CA4: variants seen among roughly 807,000 people sequenced by gnomAD.
The protein encoded by CA4 is CA-IV.
In CA4, 24 loss-of-function variants were observed where a neutral mutation model predicts 34.5. The ratio of observed to expected loss-of-function variants is 0.70; its 90% CI spans 0.50 to 0.98. The LOEUF (loss-of-function observed/expected upper bound fraction) is 0.98. Among genes scored for constraint, CA4 ranks in the 50% least tolerant of loss-of-function variants. The pLI, the probability that CA4 is intolerant of heterozygous loss-of-function variation, is 0.00. For missense variants in CA4, 394 were observed against 396.7 expected (o/e 0.99, Z 0.06); for synonymous variants, 178 against 170.6 (o/e 1.04, Z -0.34).
At chr17:60,171,603 T>C (rs1318634292), downstream of CA4, among the ~76,000 whole-genome samples, 2 of 152,198 alleles carry the variant, frequency 1.3e-5, no homozygotes, top group Non-Finnish European at 2.9e-5. Flanking sequence ...CAGACCCTAC[T>C]GGAGCACTGT....
intron 1 of CA4, 45 bp downstream of exon 1, chr17:60,150,137 T>C (rs2083562214): frequency 3.3e-6 from 5 of 1,500,068 alleles, no homozygotes; most frequent in Non-Finnish European, 4.5e-6. Flanking sequence ...GGCGGTCCCC[T>C]CCGTGCCCCC....
chr17:60,155,264 A>G, intron 1 of CA4, 50 bp from the exon 2 acceptor site: 1 of 1,548,174 alleles, frequency 6.5e-7, no homozygotes, highest in Non-Finnish European at 8.9e-7. Flanking sequence ...TGTGTGTGTG[A>G]GCAACAAGAC....
chr17:60,152,881 G>A (rs1324329454), intron 1 of CA4, among the ~76,000 whole-genome samples: 6 of 152,186 alleles, frequency 3.9e-5, no homozygotes, highest in Admixed American at 1.3e-4. Flanking sequence ...AAATGAGGCC[G>A]AGATTTGCTG....
chr17:60,152,640 TGGCTGCCCCC>T (rs1204069816), intron 1 of CA4, among the ~76,000 whole-genome samples: 1 of 152,218 alleles, frequency 6.6e-6, no homozygotes, highest in Non-Finnish European at 1.5e-5. Flanking sequence ...TCTCCTGGAA[TGGCTGCCCCC>T]GGGCCCTCCA....
At chr17:60,169,411 C>G (rs2083892861) in intron 5 of CA4, among the ~76,000 whole-genome samples, 1 of 152,152 alleles carries the variant, frequency 6.6e-6, no homozygotes, top group Non-Finnish European at 1.5e-5. Context: ...ACAATTACAC[C>G]TAAGCCTCTG....
chr17:60,168,866 G>A (rs533411108), intron 5 of CA4, among the ~76,000 whole-genome samples: 1 of 152,302 alleles, frequency 6.6e-6, no homozygotes, highest in East Asian at 1.9e-4. Context: ...GGGGATAAAG[G>A]AGAACCAATG....
At chr17:60,161,789 C>T (rs1467962756), downstream of CA4, among the ~76,000 whole-genome samples, 1 of 152,150 alleles carries the variant, frequency 6.6e-6, no homozygotes, top group African/African-American at 2.4e-5. Flanking sequence ...AACCGCAGGC[C>T]GCCTGTCAGC....
chr17:60,158,456 G>T lies in CA4; in HGVS notation c.744+10G>T. On this transcript the variant is annotated intron_variant, in intron 7 of 7. Transcript: ENST00000300900. ...GCTTCACAGAGAACAGGTGCACAGGGCCTGGGGCAGGGCATGGGCTCCCAC... is the reference window on the plus strand; with the variant it reads ...GCTTCACAGAGAACAGGTGCACAGGTCCTGGGGCAGGGCATGGGCTCCCAC... The T allele has an allele frequency of 1.2e-6, 2 of 1,613,070 alleles. No individual in the cohort carries two copies. The highest frequency in any genetic ancestry group is 2.2e-5 in the East Asian group (1 of 44,878).
At position 60,159,250 on chromosome 17, in the gene CA4, G is replaced by A. The variant is rs2083752060; in HGVS notation, c.765G>A (p.Lys255=). The part of the protein sequence containing the change: ...HREQILAFSQ[K]LYYDKEQTVS... ...CGCAGATCCTGGCATTCTCTCAGAA[G>A]CTGTACTACGACAAGGAACAGACAG... The change falls in exon 8 of 8, where the codon AAG becomes AAA. Residue 255 remains lysine, a synonymous_variant. Coordinates refer to ENST00000300900, the MANE Select transcript of CA4 (RefSeq NM_000717.5). The A allele has an allele frequency of 6.2e-7, 1 of 1,605,680 alleles. No individual in the cohort carries two copies. The highest frequency in any genetic ancestry group is 8.5e-7 in the Non-Finnish European group (1 of 1,176,004).
downstream of CA4, among the ~76,000 whole-genome samples, chr17:60,172,599 T>C (rs1225827974): frequency 6.6e-6 from 1 of 152,180 alleles, no homozygotes; most frequent in East Asian, 1.9e-4. Flanking sequence ...TTCCCAGCAC[T>C]TTGGGAGGCT....
intron 5 of CA4, among the ~76,000 whole-genome samples, chr17:60,169,032 A>C (rs2083887936): frequency 6.6e-6 from 1 of 152,114 alleles, no homozygotes; most frequent in South Asian, 2.1e-4. Flanking sequence ...AGATCACCTG[A>C]AGTCAGGAGT....
chr17:60,171,421 C>T (rs920527444), downstream of CA4, among the ~76,000 whole-genome samples: 10 of 152,244 alleles, frequency 6.6e-5, no homozygotes, highest in African/African-American at 1.9e-4. Flanking sequence ...CTGACTGCTC[C>T]GGGCACTCCC....
At chr17:60,161,097 G>A (rs1463877364), downstream of CA4, among the ~76,000 whole-genome samples, 2 of 152,086 alleles carry the variant, frequency 1.3e-5, no homozygotes, top group African/African-American at 4.8e-5. Flanking sequence ...GCTCATGGGG[G>A]TGTCCAAGGG....
At chr17:60,158,032 T>C in intron 5 of CA4, 29 bp from the exon 6 acceptor site, 2 of 1,612,744 alleles carry the variant, frequency 1.2e-6, no homozygotes, top group Non-Finnish European at 1.7e-6. Flanking sequence ...CCCTGCAGAC[T>C]TTCTCAAGAC....
chr17:60,160,865 C>T (rs531761240), downstream of CA4, among the ~76,000 whole-genome samples: 4 of 121,562 alleles, frequency 3.3e-5, no homozygotes, highest in South Asian at 3.0e-4. Context: ...TGTTGAGGTG[C>T]GGCAGGGAGG....
chr17:60,159,520 T>G lies in CA4; in HGVS notation c.*96T>G, dbSNP rs1490157393. ...TCCCAGGTGGGACTTTAGGCATGAT[T>G]AAAATATGGACATATTTTTGGAGAA... On this transcript the variant is annotated 3_prime_UTR_variant, in exon 8 of 8. Transcript: ENST00000300900. 2.3e-6 allele frequency: 3 copies of G among 1,321,750 alleles called. No individual in the cohort carries two copies. The African/African-American group carries it at 4.4e-5, about 19-fold the overall frequency. The allele number at this position is 1,321,750 out of a possible 1,614,324, so 81.9% of individuals were successfully genotyped here.
At chr17:60,169,558 G>A (rs560018347) in intron 5 of CA4, among the ~76,000 whole-genome samples, 52 of 151,982 alleles carry the variant, frequency 3.4e-4, no homozygotes, top group Non-Finnish European at 2.9e-5. Context: ...GCTCAATCTC[G>A]GCTCACTGCA....
intron 7 of CA4, chr17:60,158,912 C>T (rs2083745775): frequency 2.2e-6 from 1 of 454,678 alleles, no homozygotes; most frequent in Admixed American, 3.6e-5. Context: ...AACAAGCCCG[C>T]CCCCCAGCTG....
downstream of CA4, among the ~76,000 whole-genome samples, chr17:60,163,209 C>T (rs965024836): frequency 4.0e-5 from 6 of 151,718 alleles, no homozygotes; most frequent in African/African-American, 7.3e-5. Context: ...GCTGTGTGGA[C>T]GTCTGCCCAT....
Sources: gnomAD v4.1 joint callset for allele counts (sites outside exome capture counted in the v4.1 genomes callset) on GRCh38, gnomAD v4.1.1 for gene constraint, MANE v1.5 for transcripts, NCBI Gene and HGNC (gene_info 2026-07-23, HGNC 2026-07-21) for gene names.